RASA2: variants seen among roughly 807,000 people sequenced by gnomAD.
RASA2 encodes the protein RAS p21 protein activator 2, also known as ras GTPase-activating protein 2.
Under a neutral mutation model 118.2 loss-of-function variants are expected in RASA2, and 155 were observed. That is an observed-to-expected ratio of 1.31 (90% CI 1.15 to 1.50). RASA2 has a LOEUF of 1.50. Among genes scored for constraint, RASA2 ranks in the 40% most tolerant of loss-of-function variants. The pLI is 0.00. For missense variants in RASA2, 1,016 were observed against 1,009.6 expected, an observed-to-expected ratio of 1.01 and a Z score of -0.09; for synonymous variants, 353 against 349.1, an observed-to-expected ratio of 1.01 and a Z score of -0.12.
chr3:141,566,271 G>A (rs1051232953), intron 9 of RASA2, among the ~76,000 whole-genome samples: 1 of 152,188 alleles, frequency 6.6e-6, no homozygotes, highest in African/African-American at 2.4e-5. Flanking sequence ...AGACATTTAT[G>A]CCTCTTGGTA....
chr3:141,581,114 G>T lies in RASA2; in HGVS notation c.1689G>T (p.Glu563Asp). 6.5e-7 allele frequency: 1 copy of T among 1,536,654 alleles called. No individual in the cohort carries two copies. Among genetic ancestry groups the T allele is most frequent in the Admixed American group, 2.3e-5 (1 of 43,794 alleles). ...TTTTTTCTTAGTCAAGTTTCAAAGA[G>T]ACATTCATGTGTGAATTTTTCAAAA... Reference protein sequence around the residue: ...SLSKSKSSFKETFMCEFFKMF... With the variant: ...SLSKSKSSFKDTFMCEFFKMF... Residue 563 changes from glutamate (E) to aspartate (D), a missense_variant, in exon 17 of 24, where the codon GAG (glutamate) becomes GAT (aspartate). Glu to Asp is a conservative substitution (Grantham distance 45, BLOSUM62 2). Coordinates refer to ENST00000286364, the MANE Select transcript of RASA2 (RefSeq NM_006506.5).
intron 8 of RASA2, 29 bp downstream of exon 8, chr3:141,558,991 C>T (rs2082689730): frequency 2.0e-6 from 3 of 1,532,584 alleles, no homozygotes; most frequent in Non-Finnish European, 2.7e-6. Context: ...TACAGAATTG[C>T]TTTTTTGTAT....
At chr3:141,554,034 T>C (rs1410152142) in intron 6 of RASA2, 94 bp downstream of exon 6, 2 of 1,483,206 alleles carry the variant, frequency 1.3e-6, no homozygotes. Context: ...GATAAATAGC[T>C]ATTTATAACA....
rs370428691 is a variant in RASA2, at chr3:141,543,248, C to T, written c.527+2639C>T. Among the ~76,000 whole-genome samples the T allele has an allele frequency of 5.3e-3, 806 of 151,962 alleles. 8 individuals carry two copies. The highest frequency in any genetic ancestry group is 0.015 in the South Asian group (74 of 4,820). On this transcript the variant is annotated intron_variant, in intron 5 of 23. Coordinates refer to ENST00000286364, the MANE Select transcript of RASA2 (RefSeq NM_006506.5). ...TGCTCTAGGTATTACATTATACATG[C>T]ATAACTAATCATAATGTACTGATGT...
chr3:141,490,604 G>A (rs752428681), intron 1 of RASA2, among the ~76,000 whole-genome samples: 1 of 152,136 alleles, frequency 6.6e-6, no homozygotes, highest in Admixed American at 6.5e-5. Context: ...CAGATGTGTG[G>A]TACAGTGCGA....
At chr3:141,601,092 G>A (rs995147252) in intron 19 of RASA2, among the ~76,000 whole-genome samples, 1 of 152,018 alleles carries the variant, frequency 6.6e-6, no homozygotes, top group African/African-American at 2.4e-5. Context: ...AACATGGAGG[G>A]GAAATGAACT....
chr3:141,579,122 T>TGGG (rs1163841881), intron 15 of RASA2, among the ~76,000 whole-genome samples: 3 of 152,034 alleles, frequency 2.0e-5, no homozygotes, highest in Admixed American at 1.3e-4. Flanking sequence ...ATGTGGGGGT[T>TGGG]GGGGGGATAC....
rs554671192 is a variant in RASA2 at position 141,562,319 on chromosome 3, T to TAAA, written c.863+2338_863+2340dup. On this transcript the variant is annotated intron_variant, in intron 9 of 23. Transcript: ENST00000286364. ...ATATAACAAGTCTCCTGTCTTCAGT[T>TAAA]AAAAAAAAAAAAAAAAGAAATAGGC... 8.3e-5 allele frequency among the ~76,000 whole-genome samples: 11 copies of TAAA among 132,766 alleles called. No homozygotes were observed. In the South Asian group the frequency reaches 2.2e-3, roughly 27 times the overall value. The allele number at this position is 132,766 out of a possible 152,430, so 87.1% of individuals were successfully genotyped here. A position where few individuals can be genotyped will look rare whatever the true frequency, so the allele number is the denominator to read the frequency against.
chr3:141,605,328 T>C (rs906897484), intron 19 of RASA2, among the ~76,000 whole-genome samples: 1 of 152,208 alleles, frequency 6.6e-6, no homozygotes, highest in African/African-American at 2.4e-5. Context: ...CTATTTTTGC[T>C]TCTTTTTCTT....
intron 3 of RASA2, among the ~76,000 whole-genome samples, chr3:141,529,450 C>T (rs1356905628): frequency 6.6e-6 from 1 of 152,012 alleles, no homozygotes; most frequent in Non-Finnish European, 1.5e-5. Context: ...ATGCAGTTGC[C>T]TGTAATACAA....
intron 6 of RASA2, among the ~76,000 whole-genome samples, chr3:141,554,493 A>G (rs2082620137): frequency 6.6e-6 from 1 of 152,214 alleles, no homozygotes; most frequent in Admixed American, 6.5e-5. Context: ...AATTTGTGAA[A>G]AAACCTATAG....
intron 2 of RASA2, among the ~76,000 whole-genome samples, chr3:141,513,842 A>G (rs928422339): frequency 2.6e-5 from 4 of 152,220 alleles, no homozygotes; most frequent in Non-Finnish European, 5.9e-5. Context: ...ATTTCTAGAG[A>G]ATCTTTTTGT....
chr3:141,602,761 A>G (rs1235289330), intron 19 of RASA2, among the ~76,000 whole-genome samples: 1 of 152,180 alleles, frequency 6.6e-6, no homozygotes, highest in Non-Finnish European at 1.5e-5. Flanking sequence ...AAATACCTCA[A>G]AGGCTTCCAC....
chr3:141,527,712 A>G (rs2082204275), intron 3 of RASA2, among the ~76,000 whole-genome samples: 2 of 152,062 alleles, frequency 1.3e-5, no homozygotes, highest in Admixed American at 6.6e-5. Flanking sequence ...GATACAATTC[A>G]TAGATAAAAC....
At chr3:141,580,551 A>AACAC in intron 16 of RASA2, 100 bp downstream of exon 16, 2 of 714,396 alleles carry the variant, frequency 2.8e-6, no homozygotes, top group South Asian at 1.9e-5. Context: ...TTAAAAACAA[A>AACAC]ACATACACAC....
intron 1 of RASA2, among the ~76,000 whole-genome samples, chr3:141,507,235 A>G (rs888652023): frequency 7.2e-5 from 11 of 152,212 alleles, no homozygotes; most frequent in African/African-American, 2.7e-4. Flanking sequence ...GATTTACCCA[A>G]CCATGATGAC....
Position 141,607,723 on chromosome 3 carries a change from T to C in RASA2, c.1979T>C (p.Val660Ala). The C allele has an allele frequency of 6.2e-7, 1 of 1,601,622 alleles. No homozygotes were observed. The highest frequency in any genetic ancestry group is 8.5e-7 in the Non-Finnish European group (1 of 1,175,232). Residue 660 changes from valine (V) to alanine (A), a missense_variant, in exon 20 of 24, where the codon GTG becomes GCG. Physicochemically the swap from Val to Ala is moderately conservative, Grantham distance 64 (BLOSUM62 0). Around this residue, in one of 2 missense-constraint regions of RASA2, gnomAD observed 896 missense variants for 836.4 expected, o/e 1.07. Transcript: ENST00000286364. ...YTIPVKNILA[V>A]EKLEESSFNK... ...ATCCCAGTAAAAAACATTCTTGCTG[T>C]GGAAAAACTGGAAGAGAGCTCTTTC... is the stretch of plus-strand genomic sequence containing the variant.
intron 1 of RASA2, among the ~76,000 whole-genome samples, chr3:141,492,910 G>A (rs567426099): frequency 6.6e-6 from 1 of 152,292 alleles, no homozygotes; most frequent in African/African-American, 2.4e-5. Context: ...CTGTGAATCG[G>A]ATGAAAGATC....
At chr3:141,559,037 A>G in intron 8 of RASA2, 75 bp downstream of exon 8, 2 of 1,267,644 alleles carry the variant, frequency 1.6e-6, no homozygotes, top group Non-Finnish European at 2.2e-6. Flanking sequence ...CAAAAAAAGT[A>G]AACCAACTTT....
Sources: gnomAD v4.1 joint callset for allele counts (sites outside exome capture counted in the v4.1 genomes callset) on GRCh38, gnomAD v4.1.1 for gene constraint, gnomAD v4.1.1 regional missense constraint, MANE v1.5 for transcripts, NCBI Gene and HGNC (gene_info 2026-07-23, HGNC 2026-07-21) for gene names.